The following TCF4 variants were observed in gnomAD, a reference collection of about 807,000 sequenced individuals.
TCF4 encodes the protein transcription factor 4.
In TCF4, 3 loss-of-function variants were observed where a neutral mutation model predicts 82.1. That is an observed-to-expected ratio of 0.04 (90% confidence interval 0.02 to 0.09). The LOEUF (loss-of-function observed/expected upper bound fraction) is 0.09, where lower values mean the gene tolerates loss of function less well. TCF4 is among the 10% of genes least tolerant of loss of function. TCF4 has a pLI of 1.00. For synonymous variants in TCF4, 276 were observed against 309.6 expected, an observed-to-expected ratio of 0.89 and a Z score of 1.14; for missense variants, 518 against 852.7, an observed-to-expected ratio of 0.61 and a Z score of 4.89.
At chr18:55,514,445 ACC>A (rs1555716325) in intron 3 of TCF4, among the ~76,000 whole-genome samples, 1 of 94,360 alleles carries the variant, frequency 1.1e-5, no homozygotes, top group African/African-American at 3.7e-5. Context: ...ACACACACAC[ACC>A]CCAATCATAC....
At chr18:55,248,872 G>A (rs2054143313) in intron 15 of TCF4, among the ~76,000 whole-genome samples, 1 of 152,140 alleles carries the variant, frequency 6.6e-6, no homozygotes, top group Admixed American at 6.5e-5. Flanking sequence ...AGCCTCCTGA[G>A]TAGCTGGGAT....
chr18:55,402,125 C>T, intron 6 of TCF4: 1 of 985,426 alleles, frequency 1.0e-6, no homozygotes, highest in South Asian at 4.7e-5. Flanking sequence ...TCCAAACAAA[C>T]TGCCATGAAC....
rs540217732 is a variant in TCF4, at chr18:55,474,236, T to G, written c.146-10099A>C. ...AATCTATTTTACTCCATGGGCTCAA[T>G]AGGACATGTATTGCCTAAATTTACA... is the stretch of plus-strand genomic sequence containing the variant. On this transcript the variant is annotated intron_variant, in intron 3 of 19. Transcript: ENST00000354452. Among the ~76,000 whole-genome samples the G allele has an allele frequency of 2.6e-5, 4 of 152,308 alleles. No homozygotes were observed. The East Asian group carries it at 7.7e-4, about 29-fold the overall frequency.
At chr18:55,244,836 C>T (rs115420505) in intron 15 of TCF4, among the ~76,000 whole-genome samples, 138 of 152,288 alleles carry the variant, frequency 9.1e-4, no homozygotes, top group African/African-American at 3.2e-3. Flanking sequence ...ACTTTCAGCT[C>T]CAAAAGAGAC....
chr18:55,519,273 A>T (rs550819497), intron 3 of TCF4, among the ~76,000 whole-genome samples: 2 of 152,052 alleles, frequency 1.3e-5, no homozygotes, highest in Non-Finnish European at 2.9e-5. Flanking sequence ...TCTCTACAAA[A>T]AAATACAAAA....
At chr18:55,439,618 T>C (rs1373900806) in intron 5 of TCF4, among the ~76,000 whole-genome samples, 1 of 152,158 alleles carries the variant, frequency 6.6e-6, no homozygotes, top group Non-Finnish European at 1.5e-5. Context: ...ACAAAAATCA[T>C]CCTTAATAAG....
intron 5 of TCF4, 89 bp from the exon 6 acceptor site, chr18:55,403,607 C>A: frequency 6.2e-7 from 1 of 1,612,368 alleles, no homozygotes; most frequent in Non-Finnish European, 8.5e-7. Context: ...TGCTCTTCCC[C>A]GATGTTTACA....
At chr18:55,337,807 A>G (rs977489113) in intron 8 of TCF4, among the ~76,000 whole-genome samples, 7 of 152,108 alleles carry the variant, frequency 4.6e-5, no homozygotes, top group Admixed American at 2.0e-4. Context: ...CCTAGTGATC[A>G]GCAGTGAGAT....
chr18:55,229,607 G>C (rs1599398382), intron 17 of TCF4: 1 of 169,578 alleles, frequency 5.9e-6, no homozygotes, highest in African/African-American at 2.4e-5. Context: ...GGAGTAAGAA[G>C]AAAGGCCTAT....
At chr18:55,308,025 G>A (rs571702923) in intron 8 of TCF4, among the ~76,000 whole-genome samples, 1 of 152,338 alleles carries the variant, frequency 6.6e-6, no homozygotes, top group African/African-American at 2.4e-5. Context: ...TTGAGTGCAT[G>A]TATGAATGAA....
rs1015019791 is a variant in TCF4, at chr18:55,452,305, A to C, written c.304+8714T>G. ...CTGCACCTAATCCTCCACATTAAAA[A>C]TCAACAACTGCAATTGTGTACATAT... On this transcript the variant is annotated intron_variant, in intron 5 of 19. Transcript: ENST00000354452. Among the ~76,000 whole-genome samples the C allele has an allele frequency of 1.3e-5, 2 of 152,242 alleles. 1 individual carries two copies.
At chr18:55,407,039 G>A (rs143417094) in intron 5 of TCF4, among the ~76,000 whole-genome samples, 4 of 151,694 alleles carry the variant, frequency 2.6e-5, no homozygotes, top group East Asian at 1.9e-4. Context: ...AAAAGTACCC[G>A]TTAGTAACAT....
chr18:55,352,223 C>T (rs2082457328), intron 6 of TCF4, among the ~76,000 whole-genome samples: 1 of 152,170 alleles, frequency 6.6e-6, no homozygotes, highest in Non-Finnish European at 1.5e-5. Flanking sequence ...TAAATTAAGA[C>T]AGTCTTTTTG....
At chr18:55,589,736 A>T, upstream of TCF4, 1 of 1,022,604 alleles carries the variant, frequency 9.8e-7, no homozygotes, top group Non-Finnish European at 1.2e-6. Context: ...CCGTGGAGTC[A>T]CATTGATAAT....
At chr18:55,399,235 C>G (rs2093662299) in intron 6 of TCF4, among the ~76,000 whole-genome samples, 1 of 152,164 alleles carries the variant, frequency 6.6e-6, no homozygotes, top group African/African-American at 2.4e-5. Flanking sequence ...ATGTGAAATT[C>G]ATTTTGGAAT....
intron 3 of TCF4, among the ~76,000 whole-genome samples, chr18:55,568,123 G>T (rs895614015): frequency 2.2e-5 from 3 of 136,912 alleles, no homozygotes; most frequent in Admixed American, 1.5e-4. Context: ...ATTATAAAAA[G>T]AAATTATGAT....
At chr18:55,531,499 GTATA>G (rs922833964) in intron 3 of TCF4, among the ~76,000 whole-genome samples, 1 of 152,092 alleles carries the variant, frequency 6.6e-6, no homozygotes, top group Admixed American at 6.6e-5. Flanking sequence ...TGTATACACT[GTATA>G]TATATAAACA....
At chr18:55,566,045 A>C (rs1370487398) in intron 3 of TCF4, among the ~76,000 whole-genome samples, 1 of 121,456 alleles carries the variant, frequency 8.2e-6, no homozygotes, top group African/African-American at 3.6e-5. Context: ...CTAAAAATAC[A>C]AAAAAAAAAA....
At chr18:55,372,566 T>C (rs2089574816) in intron 6 of TCF4, among the ~76,000 whole-genome samples, 1 of 152,010 alleles carries the variant, frequency 6.6e-6, no homozygotes, top group African/African-American at 2.4e-5. Context: ...ACAGGCAATT[T>C]AGAAAATGCA....
Sources: allele counts gnomAD v4.1 joint callset (sites outside exome capture counted in the v4.1 genomes callset), GRCh38; gene constraint gnomAD v4.1.1; transcripts MANE v1.5; gene names NCBI Gene and HGNC (gene_info 2026-07-23, HGNC 2026-07-21).